The following SDK1 variants were observed in gnomAD, a reference collection of about 807,000 sequenced individuals.
SDK1 encodes protein sidekick-1.
A neutral mutation model predicts 245.5 loss-of-function variants in SDK1; 157 were observed. The ratio of observed to expected loss-of-function variants is 0.64; its 90% CI spans 0.56 to 0.73. The LOEUF (loss-of-function observed/expected upper bound fraction) is 0.73. SDK1 is among the 30% of genes least tolerant of loss of function. SDK1 has a pLI of 0.00. For missense variants in SDK1, 3,583 were observed against 3,002.3 expected, an observed-to-expected ratio of 1.19 and a Z score of -4.52; for synonymous variants, 1,647 against 1,278.5, an observed-to-expected ratio of 1.29 and a Z score of -6.15.
chr7:3,851,994 G>A (rs1416954002), intron 5 of SDK1, among the ~76,000 whole-genome samples: 1 of 152,178 alleles, frequency 6.6e-6, no homozygotes, highest in Admixed American at 6.5e-5. Context: ...GCACTGAGAG[G>A]TTGCTGGTGG....
chr7:4,175,017 G>A (rs1017615541), intron 33 of SDK1, among the ~76,000 whole-genome samples: 5 of 152,198 alleles, frequency 3.3e-5, no homozygotes, highest in African/African-American at 1.2e-4. Flanking sequence ...AGCAGCTCCA[G>A]AACACGCCGT....
At chr7:4,158,251 T>A (rs903128650) in intron 30 of SDK1, among the ~76,000 whole-genome samples, 197 bp from the exon 31 acceptor site, 2 of 152,192 alleles carry the variant, frequency 1.3e-5, no homozygotes, top group African/African-American at 4.8e-5. Context: ...TTCAAGCCCC[T>A]GCTCATTGCA....
intron 2 of SDK1, among the ~76,000 whole-genome samples, chr7:3,625,563 C>T (rs1782090294): frequency 6.6e-6 from 1 of 152,158 alleles, no homozygotes; most frequent in Non-Finnish European, 1.5e-5. Context: ...ATCAAGTTGG[C>T]AGTCACTCTA....
At chr7:3,469,400 C>T (rs964830427) in intron 1 of SDK1, among the ~76,000 whole-genome samples, 3 of 152,150 alleles carry the variant, frequency 2.0e-5, no homozygotes, top group Admixed American at 6.5e-5. Context: ...CACTGTACTC[C>T]AGCCTGGGTG....
At chr7:3,516,211 A>C (rs1361034765) in intron 1 of SDK1, among the ~76,000 whole-genome samples, 2 of 151,892 alleles carry the variant, frequency 1.3e-5, no homozygotes, top group East Asian at 3.9e-4. Context: ...ATAATGTATA[A>C]CATATAGAGG....
At chr7:3,592,491 C>A (rs990447891) in intron 1 of SDK1, among the ~76,000 whole-genome samples, 28 of 152,226 alleles carry the variant, frequency 1.8e-4, no homozygotes, top group Non-Finnish European at 4.4e-5. Flanking sequence ...CTCTCTACCT[C>A]CTCGTCATTC....
chr7:3,903,311 T>C (rs1245287376), intron 5 of SDK1, among the ~76,000 whole-genome samples: 1 of 151,992 alleles, frequency 6.6e-6, no homozygotes, highest in Non-Finnish European at 1.5e-5. Context: ...GGCCGGCTAA[T>C]TTTTTGTGTT....
At chr7:3,917,608 G>C (rs893244918) in intron 5 of SDK1, among the ~76,000 whole-genome samples, 2 of 152,126 alleles carry the variant, frequency 1.3e-5, no homozygotes, top group African/African-American at 4.8e-5. Context: ...CATGGCTTCT[G>C]TTTGAGTAAA....
intron 4 of SDK1, among the ~76,000 whole-genome samples, chr7:3,759,391 A>G (rs1021603550): frequency 6.6e-6 from 1 of 152,044 alleles, no homozygotes; most frequent in Non-Finnish European, 1.5e-5. Context: ...TTCTGAGGAG[A>G]GCCATGTCCT....
At chr7:3,537,147 G>A (rs894115640) in intron 1 of SDK1, among the ~76,000 whole-genome samples, 46 of 152,032 alleles carry the variant, frequency 3.0e-4, no homozygotes, top group African/African-American at 1.1e-3. Flanking sequence ...TTCCCTCTTC[G>A]CAGACAGCTA....
chr7:4,206,688 C>G (rs985790908), intron 36 of SDK1, among the ~76,000 whole-genome samples: 11 of 152,178 alleles, frequency 7.2e-5, no homozygotes, highest in African/African-American at 2.7e-4. Flanking sequence ...TCCCTGAGGC[C>G]TGGCCTCCTT....
At chr7:3,676,268 C>G (rs1288535264) in intron 4 of SDK1, among the ~76,000 whole-genome samples, 2 of 151,814 alleles carry the variant, frequency 1.3e-5, no homozygotes, top group African/African-American at 4.8e-5. Flanking sequence ...ATACTCCTGC[C>G]TTGTCCTCCG....
intron 1 of SDK1, among the ~76,000 whole-genome samples, chr7:3,611,369 TTCC>T (rs1327799788): frequency 6.6e-6 from 1 of 152,178 alleles, no homozygotes; most frequent in Non-Finnish European, 1.5e-5. Flanking sequence ...CCTCCTGCTC[TTCC>T]TCCTCTTGCA....
intron 3 of SDK1, among the ~76,000 whole-genome samples, chr7:3,640,540 T>A (rs1256622579): frequency 6.6e-6 from 1 of 152,250 alleles, no homozygotes; most frequent in African/African-American, 2.4e-5. Context: ...ATTGAATGAT[T>A]GAAAATGTAA....
intron 1 of SDK1, among the ~76,000 whole-genome samples, chr7:3,350,302 TG>T (rs146478843): frequency 0.056 from 8,464 of 152,268 alleles, 344 homozygotes; most frequent in East Asian, 0.13. Context: ...GTTATTTATT[TG>T]GGGACAGCAT....
chr7:4,267,381 A>G lies in SDK1; in HGVS notation c.*1997A>G, dbSNP rs1201199538. ...CCTTTTTCTGAGTGGAGGGGGAAAT[A>G]TTCTAAACCAAAAATCCTAGATGCT... On this transcript the variant is annotated 3_prime_UTR_variant, in exon 45 of 45. Transcript: ENST00000404826. The G allele has an allele frequency of 2.0e-6, 2 of 983,450 alleles. No homozygotes were observed. The highest frequency in any genetic ancestry group is 4.7e-5 in the South Asian group (1 of 21,230). 60.9% of individuals were successfully genotyped at this position (983,450 alleles called of 1,614,324 possible).
At chr7:3,654,410 C>T (rs767563768) in intron 4 of SDK1, among the ~76,000 whole-genome samples, 11 of 152,246 alleles carry the variant, frequency 7.2e-5, no homozygotes, top group African/African-American at 1.2e-4. Context: ...AGAGCCTCAC[C>T]GTGCAGAGCG....
chr7:4,141,204 C>T (rs1268926549), intron 28 of SDK1, among the ~76,000 whole-genome samples: 4 of 152,098 alleles, frequency 2.6e-5, no homozygotes, highest in African/African-American at 9.7e-5. Context: ...CCTGTGTAGT[C>T]TGCGGCATGG....
intron 1 of SDK1, among the ~76,000 whole-genome samples, chr7:3,340,967 TCTAGAAAACAGGAGAGAAGAC>T (rs372974441): frequency 1.4e-4 from 22 of 152,150 alleles, no homozygotes; most frequent in East Asian, 5.8e-4. Flanking sequence ...TTCAGTCTCT[TCTAGAAAACAGGAGAGAAGAC>T]CTAGAAAACA....
Sources: gnomAD v4.1 joint callset for allele counts (sites outside exome capture counted in the v4.1 genomes callset) on GRCh38, gnomAD v4.1.1 for gene constraint, MANE v1.5 for transcripts, NCBI Gene and HGNC (gene_info 2026-07-23, HGNC 2026-07-21) for gene names.